TENM2: variants seen among roughly 807,000 people sequenced by gnomAD.
TENM2 encodes the protein teneurin-2.
TENM2 carries 52 observed loss-of-function variants against 245.2 expected under a neutral mutation model. The observed-to-expected ratio is 0.21, with a 90% CI of 0.17 to 0.27. TENM2 has a LOEUF of 0.27. Among genes scored for constraint, TENM2 ranks in the 10% least tolerant of loss-of-function variants. The pLI, the probability that TENM2 is intolerant of heterozygous loss-of-function variation, is 1.00. For synonymous variants in TENM2, 1,363 were observed against 1,438.9 expected, an observed-to-expected ratio of 0.95 and a Z score of 1.19; for missense variants, 3,046 against 3,666.8, an observed-to-expected ratio of 0.83 and a Z score of 4.37.
rs538119450 is a variant in TENM2 at position 167,895,643 on chromosome 5, G to A, written c.712+19448G>A. 1.3e-3 allele frequency among the ~76,000 whole-genome samples: 197 copies of A among 152,314 alleles called. 1 individual carries two copies. The highest frequency in any genetic ancestry group is 4.5e-3 in the African/African-American group (189 of 41,568). On this transcript the variant is annotated intron_variant, in intron 3 of 28. Coordinates refer to ENST00000518659, the Ensembl canonical transcript of TENM2. ...TAAAATACAAACTCCTGGACCCTATGCCAGATTTATTTAATTCACTATGTC... is the reference window on the plus strand; with the variant it reads ...TAAAATACAAACTCCTGGACCCTATACCAGATTTATTTAATTCACTATGTC...
intron 1 of TENM2, among the ~76,000 whole-genome samples, chr5:167,300,342 C>T (rs1278627067): frequency 2.6e-5 from 4 of 152,072 alleles, no homozygotes; most frequent in African/African-American, 9.7e-5. Flanking sequence ...GTGTCAGGGT[C>T]AGTCCAAGTG....
chr5:167,171,066 G>A, the TENM2 span, among the ~76,000 whole-genome samples: 2 of 151,980 alleles, frequency 1.3e-5, no homozygotes, highest in Non-Finnish European at 2.9e-5. Context: ...CTCTATCCGG[G>A]TGATTGCATC....
chr5:168,190,539 C>T, exon 14 of TENM2: 1 of 1,613,696 alleles, frequency 6.2e-7, no homozygotes, highest in Non-Finnish European at 8.5e-7. Context: ...AGAACCCTTT[C>T]AACAGCAGGT....
intron 2 of TENM2, among the ~76,000 whole-genome samples, chr5:167,743,014 AAC>A: frequency 6.8e-6 from 1 of 147,082 alleles, no homozygotes; most frequent in East Asian, 1.9e-4. Context: ...CAACAACAAC[AAC>A]AACAAACCAC....
At chr5:168,242,720 A>C (rs1459254524) in intron 25 of TENM2, among the ~76,000 whole-genome samples, 1 of 152,196 alleles carries the variant, frequency 6.6e-6, no homozygotes, top group African/African-American at 2.4e-5. Flanking sequence ...TGGGAGGACA[A>C]GGTGGGTGGA....
intron 2 of TENM2, among the ~76,000 whole-genome samples, chr5:167,598,241 G>T (rs920331568): frequency 2.6e-5 from 4 of 152,102 alleles, no homozygotes; most frequent in African/African-American, 9.7e-5. Flanking sequence ...TTACCTTCTG[G>T]AACATGAAAT....
At chr5:168,248,044 T>G (rs1581760436) in exon 27 of TENM2, 2 of 1,613,874 alleles carry the variant, frequency 1.2e-6, no homozygotes, top group African/African-American at 2.7e-5. Context: ...CTATGTTGCC[T>G]CTGATAACAC....
intron 3 of TENM2, among the ~76,000 whole-genome samples, chr5:167,876,742 C>A (rs2193981): frequency 0.45 from 68,221 of 151,906 alleles, 17,184 homozygotes; most frequent in Non-Finnish European, 0.56. Context: ...GGGGGGTGAC[C>A]TCTCCTGTAA....
intron 9 of TENM2, among the ~76,000 whole-genome samples, chr5:168,103,170 C>A (rs1187611775): frequency 6.6e-6 from 1 of 152,130 alleles, no homozygotes; most frequent in Non-Finnish European, 1.5e-5. Context: ...CTGAGAATGA[C>A]AGTTTCCAGC....
the TENM2 span, among the ~76,000 whole-genome samples, chr5:167,015,398 T>C: frequency 1.3e-5 from 2 of 152,202 alleles, no homozygotes; most frequent in African/African-American, 4.8e-5. Flanking sequence ...AGCCTGCGTG[T>C]GTTTGGCTGA....
At chr5:167,569,139 A>G (rs935355704) in intron 2 of TENM2, among the ~76,000 whole-genome samples, 1 of 121,832 alleles carries the variant, frequency 8.2e-6, no homozygotes, top group Admixed American at 1.1e-4. Context: ...CTATCTGTGC[A>G]GCCATAGCTA....
At chr5:167,494,920 A>C (rs2127547894) in intron 2 of TENM2, among the ~76,000 whole-genome samples, 1 of 152,246 alleles carries the variant, frequency 6.6e-6, no homozygotes, top group African/African-American at 2.4e-5. Flanking sequence ...TATTATGAAT[A>C]ATTTTAATAT....
intron 2 of TENM2, among the ~76,000 whole-genome samples, chr5:167,530,000 T>C (rs1771386389): frequency 6.6e-6 from 1 of 152,214 alleles, no homozygotes; most frequent in South Asian, 2.1e-4. Flanking sequence ...AGATGTTCCT[T>C]GACCATTTTT....
intron 1 of TENM2, among the ~76,000 whole-genome samples, chr5:167,315,397 A>C (rs1014072936): frequency 1.3e-5 from 2 of 152,176 alleles, no homozygotes; most frequent in Admixed American, 6.5e-5. Context: ...TTCTCTATTA[A>C]TTTGGTTTTC....
chr5:167,746,258 T>C (rs1351128322), intron 2 of TENM2, among the ~76,000 whole-genome samples: 1 of 152,156 alleles, frequency 6.6e-6, no homozygotes, highest in African/African-American at 2.4e-5. Flanking sequence ...CCTACAGCCA[T>C]ACTAGGGAGT....
chr5:167,044,427 ATC>A, the TENM2 span, among the ~76,000 whole-genome samples: 1 of 152,336 alleles, frequency 6.6e-6, no homozygotes, highest in East Asian at 1.9e-4. Context: ...TACAGCATGC[ATC>A]TATGTGGTCA....
the TENM2 span, among the ~76,000 whole-genome samples, chr5:167,115,034 C>CA: frequency 6.6e-6 from 1 of 152,018 alleles, no homozygotes; most frequent in Admixed American, 6.5e-5. Flanking sequence ...CCTGGATTTG[C>CA]AAAAAACAAA....
intron 2 of TENM2, among the ~76,000 whole-genome samples, chr5:167,722,696 GA>G (rs1759714210): frequency 6.6e-6 from 1 of 152,024 alleles, no homozygotes; most frequent in Non-Finnish European, 1.5e-5. Flanking sequence ...ATAATTGCTT[GA>G]ACCCGGGACA....
At chr5:167,652,118 G>A (rs909682676) in intron 2 of TENM2, among the ~76,000 whole-genome samples, 1 of 152,088 alleles carries the variant, frequency 6.6e-6, no homozygotes, top group African/African-American at 2.4e-5. Flanking sequence ...TGTTGTAAAG[G>A]TCTAGACAGA....
Sources: allele counts gnomAD v4.1 joint callset (sites outside exome capture counted in the v4.1 genomes callset), GRCh38; gene constraint gnomAD v4.1.1; transcripts MANE v1.5; gene names NCBI Gene and HGNC (gene_info 2026-07-23, HGNC 2026-07-21).